The following TMEM45A variants were observed in gnomAD, a reference collection of about 807,000 sequenced individuals.
The protein encoded by TMEM45A is transmembrane protein 45A, also known as DNA polymerase-transactivated protein 4.
Under a neutral mutation model 32.0 loss-of-function variants are expected in TMEM45A, and 25 were observed. The ratio of observed to expected loss-of-function variants is 0.78; its 90% CI spans 0.57 to 1.09. TMEM45A has a LOEUF of 1.09. TMEM45A is among the 50% of genes least tolerant of loss of function. The probability of loss-of-function intolerance (pLI) is 0.00; values close to 1 mark genes in which losing one functional copy is unlikely to be tolerated. For missense variants in TMEM45A, 302 were observed against 325.0 expected (o/e 0.93, Z 0.54); for synonymous variants, 122 against 114.8 (o/e 1.06, Z -0.40).
chr3:100,512,232 CT>C, intron 1 of TMEM45A, among the ~76,000 whole-genome samples: 1 of 152,274 alleles, frequency 6.6e-6, no homozygotes, highest in South Asian at 2.1e-4. Flanking sequence ...AAGTAAAGCA[CT>C]CCTCAGCAAA....
chr3:100,526,982 T>C (rs1705556482), intron 1 of TMEM45A, among the ~76,000 whole-genome samples: 2 of 152,216 alleles, frequency 1.3e-5, no homozygotes, highest in Admixed American at 1.3e-4. Flanking sequence ...ATATCCTCTA[T>C]TTATGTCCGT....
intron 1 of TMEM45A, among the ~76,000 whole-genome samples, chr3:100,530,191 G>A (rs370027653): frequency 5.9e-5 from 9 of 152,196 alleles, no homozygotes; most frequent in African/African-American, 9.6e-5. Context: ...TATAAGTTAG[G>A]GTTCTCTAGA....
chr3:100,558,101 G>T (rs1407485685), intron 3 of TMEM45A, among the ~76,000 whole-genome samples: 1 of 152,166 alleles, frequency 6.6e-6, no homozygotes, highest in East Asian at 1.9e-4. Context: ...AAGAGGAAAA[G>T]ATATTCATTC....
chr3:100,506,203 G>A (rs1028789426), intron 1 of TMEM45A, among the ~76,000 whole-genome samples: 3 of 152,338 alleles, frequency 2.0e-5, no homozygotes, highest in South Asian at 2.1e-4. Flanking sequence ...GAACAGTCAG[G>A]AGGGCCTTGC....
At chr3:100,546,688 ATG>A (rs1326355751) in intron 1 of TMEM45A, among the ~76,000 whole-genome samples, 3 of 152,166 alleles carry the variant, frequency 2.0e-5, no homozygotes, top group Non-Finnish European at 4.4e-5. Flanking sequence ...CCTCCTTAAC[ATG>A]TGCTGGCAGC....
chr3:100,565,289 G>A (rs964331521), intron 4 of TMEM45A, among the ~76,000 whole-genome samples: 1 of 152,168 alleles, frequency 6.6e-6, no homozygotes, highest in Non-Finnish European at 1.5e-5. Flanking sequence ...TGACAAGCAC[G>A]TGGTGGTACC....
chr3:100,557,556 GT>G (rs5851211), intron 3 of TMEM45A, among the ~76,000 whole-genome samples: 55,985 of 149,866 alleles, frequency 0.37, 12,167 homozygotes, highest in East Asian at 0.61. Flanking sequence ...GCATTTAATG[GT>G]TTTTTTTTTT....
chr3:100,556,727 G>A, intron 2 of TMEM45A, 33 bp from the exon 3 acceptor site: 2 of 1,575,878 alleles, frequency 1.3e-6, no homozygotes, highest in Non-Finnish European at 1.7e-6. Context: ...ATGTAAAGCA[G>A]AGTTGCTAAA....
At chr3:100,560,262 T>TCTCTCTC in intron 4 of TMEM45A, among the ~76,000 whole-genome samples, 1 of 120,594 alleles carries the variant, frequency 8.3e-6, no homozygotes, top group Non-Finnish European at 1.6e-5. Flanking sequence ...TCTCTCTCTC[T>TCTCTCTC]TTTTTTTTTT....
intron 4 of TMEM45A, among the ~76,000 whole-genome samples, chr3:100,561,294 A>G (rs1706325265): frequency 6.6e-6 from 1 of 152,310 alleles, no homozygotes; most frequent in South Asian, 2.1e-4. Context: ...GCTTTTCACC[A>G]TATTACCATA....
chr3:100,548,879 T>C (rs190200594), intron 1 of TMEM45A, among the ~76,000 whole-genome samples: 7 of 152,294 alleles, frequency 4.6e-5, no homozygotes, highest in South Asian at 2.1e-4. Context: ...ATTTTTCTTA[T>C]TCCTATAACT....
chr3:100,567,619 G>T (rs1706471421), intron 4 of TMEM45A, among the ~76,000 whole-genome samples: 1 of 150,424 alleles, frequency 6.6e-6, no homozygotes, highest in Non-Finnish European at 1.5e-5. Flanking sequence ...ACAGTATTAA[G>T]CTTCCAGTCT....
At chr3:100,537,436 T>C (rs2148962629) in intron 1 of TMEM45A, among the ~76,000 whole-genome samples, 1 of 152,308 alleles carries the variant, frequency 6.6e-6, no homozygotes, top group East Asian at 1.9e-4. Flanking sequence ...CCTCCATTGA[T>C]TGCCCTTGTC....
chr3:100,558,302 A>AT, intron 3 of TMEM45A, 103 bp from the exon 4 acceptor site: 1 of 1,405,774 alleles, frequency 7.1e-7, no homozygotes, highest in Non-Finnish European at 9.8e-7. Flanking sequence ...TTTTGGACAA[A>AT]TGTGTGTATG....
At chr3:100,509,926 C>T (rs182927476) in intron 1 of TMEM45A, among the ~76,000 whole-genome samples, 216 of 152,328 alleles carry the variant, frequency 1.4e-3, no homozygotes, top group Non-Finnish European at 2.3e-3. Flanking sequence ...TAAAAAACGG[C>T]GCACCAGGAG....
At chr3:100,503,040 T>C (rs1302258987) in intron 1 of TMEM45A, among the ~76,000 whole-genome samples, 2 of 151,018 alleles carry the variant, frequency 1.3e-5, no homozygotes, top group African/African-American at 4.9e-5. Context: ...TCCTCCTTCT[T>C]CTTCTCCTTC....
intron 1 of TMEM45A, among the ~76,000 whole-genome samples, chr3:100,514,617 T>C (rs572204339): frequency 7.1e-4 from 108 of 152,172 alleles, no homozygotes; most frequent in African/African-American, 2.2e-3. Context: ...AAAGCCAAAA[T>C]TGACAAGTGG....
chr3:100,510,105 G>A (rs888245584), intron 1 of TMEM45A, among the ~76,000 whole-genome samples: 1 of 152,240 alleles, frequency 6.6e-6, no homozygotes, highest in African/African-American at 2.4e-5. Flanking sequence ...CTCGAACTGG[G>A]TGGAGCCCAC....
Position 100,556,822 on chromosome 3 carries a change from G to A in TMEM45A, c.253G>A (p.Gly85Ser), listed in dbSNP as rs1391293665. ...PHLMLYDYKQ[G>S]HWNQLLGWHH... is the part of the protein sequence containing the mutation. ...TCTGATGTTATATGACTATAAACAA[G>A]GTCACTGGAATCAACTCCTGGGCTG... The change falls in exon 3 of 6, where the codon GGT becomes AGT. Residue 85 changes from glycine to serine, a missense_variant. Gly to Ser is a moderately conservative substitution (Grantham distance 56). Coordinates refer to ENST00000323523, the MANE Select transcript of TMEM45A (RefSeq NM_018004.3). 1.2e-6 allele frequency: 2 copies of A among 1,614,116 alleles called. No homozygotes were observed. The highest frequency in any genetic ancestry group is 3.3e-5 in the Admixed American group (2 of 60,000).
Sources: allele counts gnomAD v4.1 joint callset (sites outside exome capture counted in the v4.1 genomes callset), GRCh38; gene constraint gnomAD v4.1.1; transcripts MANE v1.5; gene names NCBI Gene and HGNC (gene_info 2026-07-23, HGNC 2026-07-21).